Variants in SRGAP3 observed in about 807,000 individuals in gnomAD.
SRGAP3 encodes SLIT-ROBO Rho GTPase activating protein 3.
Under a neutral mutation model 121.1 loss-of-function variants are expected in SRGAP3, and 39 were observed. That is an observed-to-expected ratio of 0.32 (90% confidence interval 0.25 to 0.42). The LOEUF is 0.42. Among genes scored for constraint, SRGAP3 ranks in the 10% least tolerant of loss-of-function variants. The pLI is 1.00. For missense variants in SRGAP3, 1,213 were observed against 1,470.6 expected (o/e 0.82, Z 2.86); for synonymous variants, 601 against 570.0 (o/e 1.05, Z -0.77).
At chr3:9,322,273 A>C (rs1030990210) in intron 3 of SRGAP3, among the ~76,000 whole-genome samples, 3 of 151,796 alleles carry the variant, frequency 2.0e-5, no homozygotes, top group African/African-American at 4.8e-5. Flanking sequence ...CCTCAGCAAG[A>C]TTTGGGTACG....
At chr3:9,018,119 G>A (rs1490908011) in intron 14 of SRGAP3, among the ~76,000 whole-genome samples, 1 of 152,148 alleles carries the variant, frequency 6.6e-6, no homozygotes, top group Non-Finnish European at 1.5e-5. Context: ...TCTTTCTGAG[G>A]CTGGCTTATT....
At chr3:9,143,065 C>G (rs1224329906) in intron 1 of SRGAP3, among the ~76,000 whole-genome samples, 1 of 151,922 alleles carries the variant, frequency 6.6e-6, no homozygotes, top group Admixed American at 6.6e-5. Flanking sequence ...GTCGAGAACT[C>G]CAGGGCTCAA....
chr3:9,207,444 G>A (rs773181979), intron 1 of SRGAP3, among the ~76,000 whole-genome samples: 13 of 152,190 alleles, frequency 8.5e-5, no homozygotes, highest in Non-Finnish European at 1.8e-4. Context: ...AATCAAGCAA[G>A]TAATCCCAAC....
At chr3:9,361,380 A>C (rs1002392993) in intron 1 of SRGAP3, among the ~76,000 whole-genome samples, 2 of 152,192 alleles carry the variant, frequency 1.3e-5, no homozygotes, top group African/African-American at 4.8e-5. Flanking sequence ...CTGGGACTAC[A>C]GGCATGAACC....
intron 1 of SRGAP3, among the ~76,000 whole-genome samples, chr3:9,151,940 G>A (rs1003030996): frequency 6.6e-6 from 1 of 152,230 alleles, no homozygotes; most frequent in African/African-American, 2.4e-5. Context: ...GATAGAACCG[G>A]GTTCCTGGGC....
intron 3 of SRGAP3, among the ~76,000 whole-genome samples, chr3:9,260,303 G>A (rs776177202): frequency 6.0e-4 from 91 of 152,058 alleles, no homozygotes; most frequent in Non-Finnish European, 9.9e-4. Flanking sequence ...AGATAGAACC[G>A]TTCACTCCCA....
chr3:9,259,849 G>T (rs1286827500), intron 3 of SRGAP3, among the ~76,000 whole-genome samples: 1 of 141,462 alleles, frequency 7.1e-6, no homozygotes, highest in East Asian at 2.1e-4. Context: ...CTGGGGGCCA[G>T]GGGTGGGGCT....
At chr3:9,074,053 A>T (rs1258347980) in intron 4 of SRGAP3, among the ~76,000 whole-genome samples, 1 of 152,062 alleles carries the variant, frequency 6.6e-6, no homozygotes, top group African/African-American at 2.4e-5. Flanking sequence ...AAATTTAAAT[A>T]TTAAACAATT....
At position 9,242,405 on chromosome 3, in the gene SRGAP3, C is replaced by T. The variant is rs573110885; in HGVS notation, c.67+6480G>A. On this transcript the variant is annotated intron_variant, in intron 1 of 21. Transcript: ENST00000383836. ...ATCCCAGCATTTTGGGAGGCCGAGGCGGGTGGATCACCTGAGGTTAGGAGT... is the reference window on the plus strand; with the variant it reads ...ATCCCAGCATTTTGGGAGGCCGAGGTGGGTGGATCACCTGAGGTTAGGAGT... Among the ~76,000 whole-genome samples the T allele has an allele frequency of 7.6e-3, 1,155 of 152,298 alleles. 4 individuals carry two copies. The highest frequency in any genetic ancestry group is 0.013 in the Non-Finnish European group (884 of 68,018).
rs568583598 is a variant in SRGAP3 at position 9,140,581 on chromosome 3, A to C, written c.68-15664T>G. Among the ~76,000 whole-genome samples, 12 of 152,336 alleles carry C rather than the reference A, an allele frequency of 7.9e-5. No homozygotes were observed. The East Asian group carries it at 2.3e-3, about 29-fold the overall frequency. ...TTCCACAAGGGGCCAGATAGTAAAT[A>C]TTTTAGCATTTGCAGGCCATATCAT... On this transcript the variant is annotated intron_variant, in intron 1 of 21. Coordinates refer to ENST00000383836, the MANE Select transcript of SRGAP3 (RefSeq NM_014850.4).
chr3:9,013,709 A>T, intron 16 of SRGAP3, 28 bp downstream of exon 16: 1 of 1,613,108 alleles, frequency 6.2e-7, no homozygotes. Context: ...GCCTGAGTCA[A>T]AAAGGGGCCC....
intron 3 of SRGAP3, among the ~76,000 whole-genome samples, chr3:9,260,871 C>T (rs1437527216): frequency 6.6e-6 from 1 of 152,236 alleles, no homozygotes; most frequent in Non-Finnish European, 1.5e-5. Flanking sequence ...ACTGCATCCT[C>T]AAGCGGATCC....
chr3:9,012,105 A>G (rs1158426528), intron 17 of SRGAP3, among the ~76,000 whole-genome samples: 1 of 152,188 alleles, frequency 6.6e-6, no homozygotes, highest in African/African-American at 2.4e-5. Flanking sequence ...CTCAAACGAG[A>G]TTAGAGAGCT....
chr3:9,345,785 C>CAAAAAAAAAAAAAAAAAA (rs34225108), intron 1 of SRGAP3, among the ~76,000 whole-genome samples: 7 of 65,226 alleles, frequency 1.1e-4, no homozygotes, highest in Admixed American at 1.7e-4. Context: ...GACTCCAACT[C>CAAAAAAAAAAAAAAAAAA]AAAAAAAAAA....
At chr3:9,069,689 C>G (rs944608958) in intron 4 of SRGAP3, among the ~76,000 whole-genome samples, 2 of 152,196 alleles carry the variant, frequency 1.3e-5, no homozygotes, top group East Asian at 3.9e-4. Context: ...TGGCTCATGC[C>G]TGTAATCCCA....
chr3:9,127,633 G>C (rs148186825), intron 1 of SRGAP3, among the ~76,000 whole-genome samples: 3,537 of 152,244 alleles, frequency 0.023, 124 homozygotes, highest in African/African-American at 0.081. Flanking sequence ...ATTTTTAGTA[G>C]AGACGAGGTT....
intron 3 of SRGAP3, among the ~76,000 whole-genome samples, chr3:9,104,415 T>C (rs1948334661): frequency 6.6e-6 from 1 of 152,248 alleles, no homozygotes; most frequent in South Asian, 2.1e-4. Context: ...AATGAATATG[T>C]ACTACTTACC....
intron 1 of SRGAP3, among the ~76,000 whole-genome samples, chr3:9,244,940 G>C (rs140364785): frequency 5.3e-5 from 8 of 152,158 alleles, no homozygotes; most frequent in South Asian, 4.1e-4. Context: ...GTGCACTGAG[G>C]GGGTGAGCAG....
At chr3:9,182,309 T>A (rs1451700603) in intron 1 of SRGAP3, among the ~76,000 whole-genome samples, 1 of 152,010 alleles carries the variant, frequency 6.6e-6, no homozygotes, top group Non-Finnish European at 1.5e-5. Flanking sequence ...TCAGGGCATG[T>A]CCTGATCCAA....
Sources: allele counts gnomAD v4.1 joint callset (sites outside exome capture counted in the v4.1 genomes callset), GRCh38; gene constraint gnomAD v4.1.1; transcripts MANE v1.5; gene names NCBI Gene and HGNC (gene_info 2026-07-23, HGNC 2026-07-21).